Variants in FMN1 observed in about 807,000 individuals in gnomAD.
FMN1 encodes formin-1.
FMN1 carries 110 observed loss-of-function variants against 132.4 expected under a neutral mutation model. That is an observed-to-expected ratio of 0.83 (90% CI 0.71 to 0.97). The LOEUF is 0.97. Among genes scored for constraint, FMN1 ranks in the 50% least tolerant of loss-of-function variants. The probability of loss-of-function intolerance (pLI) is 0.00; values close to 1 mark genes in which losing one functional copy is unlikely to be tolerated. For missense variants in FMN1, 1,792 were observed against 1,705.3 expected (o/e 1.05, Z -0.90); for synonymous variants, 722 against 651.7 (o/e 1.11, Z -1.64).
At chr15:32,831,478 A>G (rs2058499717) in intron 17 of FMN1, among the ~76,000 whole-genome samples, 1 of 152,146 alleles carries the variant, frequency 6.6e-6, no homozygotes, top group Non-Finnish European at 1.5e-5. Context: ...GCTTGCCTAG[A>G]ACACGGGAAG....
At chr15:33,006,700 C>G (rs191323681) in intron 7 of FMN1, among the ~76,000 whole-genome samples, 16 of 152,214 alleles carry the variant, frequency 1.1e-4, no homozygotes, top group Middle Eastern at 3.4e-3. Flanking sequence ...ATGGAATACT[C>G]TAGTCTTTAA....
intron 6 of FMN1, among the ~76,000 whole-genome samples, chr15:33,015,640 C>A (rs1202668425): frequency 6.6e-6 from 1 of 152,088 alleles, no homozygotes; most frequent in Non-Finnish European, 1.5e-5. Flanking sequence ...TATGTCCGGC[C>A]TGTGCCTCTC....
chr15:32,905,827 A>C (rs2060411290), intron 12 of FMN1, among the ~76,000 whole-genome samples: 1 of 152,202 alleles, frequency 6.6e-6, no homozygotes. Flanking sequence ...AGTGGCATAA[A>C]TCAAACAAAT....
intron 6 of FMN1, among the ~76,000 whole-genome samples, chr15:33,014,863 C>G (rs144136350): frequency 9.7e-4 from 148 of 152,274 alleles, no homozygotes; most frequent in African/African-American, 3.5e-3. Flanking sequence ...ATGCAGTAAC[C>G]ACTGCTGAAG....
At chr15:33,067,560 T>G (rs1444996401) in intron 5 of FMN1, 2 of 1,613,880 alleles carry the variant, frequency 1.2e-6, no homozygotes, top group Admixed American at 1.7e-5. Context: ...GCTTCTTTTC[T>G]CTGACTTCCC....
intron 13 of FMN1, among the ~76,000 whole-genome samples, chr15:32,900,835 A>AT (rs1366300129): frequency 1.3e-5 from 2 of 152,064 alleles, no homozygotes; most frequent in Non-Finnish European, 2.9e-5. Context: ...CTTAATTCAC[A>AT]TTTTATCCCC....
intron 19 of FMN1, among the ~76,000 whole-genome samples, chr15:32,792,738 A>T (rs915029479): frequency 1.3e-5 from 2 of 152,144 alleles, no homozygotes; most frequent in Non-Finnish European, 2.9e-5. Context: ...ATGCTATTTA[A>T]TATTAAAAGG....
At chr15:32,951,024 T>G (rs929270750) in intron 9 of FMN1, among the ~76,000 whole-genome samples, 2 of 152,146 alleles carry the variant, frequency 1.3e-5, no homozygotes, top group African/African-American at 4.8e-5. Context: ...TTAAATTCTA[T>G]TCATGCATTA....
rs750115043 is a variant in FMN1, at chr15:32,900,119, G to C, written c.3514C>G (p.Leu1172Val). The C allele has an allele frequency of 4.3e-6, 7 of 1,613,698 alleles. No homozygotes were observed. The highest frequency in any genetic ancestry group is 3.3e-5 in the Admixed American group (2 of 60,026). Residue 1172 changes from leucine to valine, a missense_variant, in exon 14 of 21, where the codon CTG becomes GTG. Transcript: ENST00000616417. ...ATATCCTTCACGCTCTTCACGTGCA[G>C]CAAGTCCTGTGATGGCAAACACCAG... ...EIITRASKDLLHVKSVKDILA... is the reference protein window; with the variant it reads ...EIITRASKDLVHVKSVKDILA...
intron 5 of FMN1, chr15:33,067,115 T>G: frequency 7.4e-6 from 12 of 1,614,006 alleles, no homozygotes; most frequent in Non-Finnish European, 1.0e-5. Context: ...AGAGGCACTC[T>G]CAGTGATACC....
chr15:32,936,202 T>C (rs901117104), intron 9 of FMN1, among the ~76,000 whole-genome samples: 3 of 152,244 alleles, frequency 2.0e-5, no homozygotes, highest in Non-Finnish European at 4.4e-5. Flanking sequence ...AAGTAATTCA[T>C]ATACATCTGT....
At chr15:33,067,169 C>A in intron 5 of FMN1, 1 of 1,613,600 alleles carries the variant, frequency 6.2e-7, no homozygotes. Flanking sequence ...GTCTTGGGAC[C>A]CTTCTTCTCC....
intron 19 of FMN1, among the ~76,000 whole-genome samples, chr15:32,785,218 A>ATATATTTTTTTTTTTTTTT (rs1444523400): frequency 2.6e-5 from 1 of 39,208 alleles, no homozygotes; most frequent in African/African-American, 1.2e-4. Flanking sequence ...ATATATATAT[A>ATATATTTTTTTTTTTTTTT]TTTTTTTTTT....
intron 4 of FMN1, chr15:33,150,745 ATAATCT>A (rs1964408206): frequency 2.0e-6 from 2 of 985,562 alleles, no homozygotes; most frequent in African/African-American, 3.5e-5. Flanking sequence ...AGAGCTTTCA[ATAATCT>A]TAATGACATC....
intron 10 of FMN1, among the ~76,000 whole-genome samples, 183 bp from the exon 11 acceptor site, chr15:32,910,718 C>T (rs1038416134): frequency 3.3e-5 from 5 of 152,228 alleles, no homozygotes; most frequent in Non-Finnish European, 5.9e-5. Context: ...AAAATGGTTC[C>T]TATCATTGGC....
intron 19 of FMN1, among the ~76,000 whole-genome samples, chr15:32,789,315 C>T (rs911380257): frequency 1.1e-4 from 17 of 152,178 alleles, no homozygotes; most frequent in African/African-American, 3.1e-4. Context: ...GATACGATAG[C>T]TCACACAGAT....
chr15:33,072,908 A>C (rs1003322021), intron 5 of FMN1, among the ~76,000 whole-genome samples: 4 of 148,620 alleles, frequency 2.7e-5, no homozygotes, highest in Non-Finnish European at 5.9e-5. Context: ...GGGCAACAGA[A>C]CAAGACTCCA....
chr15:33,101,477 C>CA (rs2039292475), intron 4 of FMN1, among the ~76,000 whole-genome samples: 1 of 151,610 alleles, frequency 6.6e-6, no homozygotes, highest in Admixed American at 6.6e-5. Flanking sequence ...AAAAAAATCA[C>CA]AAAAAATGTT....
intron 5 of FMN1, among the ~76,000 whole-genome samples, chr15:33,088,207 A>G (rs993422998): frequency 1.3e-5 from 2 of 152,146 alleles, no homozygotes; most frequent in South Asian, 2.1e-4. Context: ...AACCTATTGA[A>G]ATTAAAAAAA....
Sources: allele counts gnomAD v4.1 joint callset (sites outside exome capture counted in the v4.1 genomes callset), GRCh38; gene constraint gnomAD v4.1.1; transcripts MANE v1.5; gene names NCBI Gene and HGNC (gene_info 2026-07-23, HGNC 2026-07-21).